Variants in GAS2 observed in about 807,000 individuals in gnomAD.
GAS2 encodes the protein growth arrest specific 2, also known as growth arrest-specific protein 2.
GAS2 carries 20 observed loss-of-function variants against 37.5 expected under a neutral mutation model. That is an observed-to-expected ratio of 0.53 (90% CI 0.37 to 0.77). GAS2 has a LOEUF of 0.77. Among genes scored for constraint, GAS2 ranks in the 30% least tolerant of loss-of-function variants. GAS2 has a pLI of 0.00. For synonymous variants in GAS2, 144 were observed against 132.2 expected (o/e 1.09, Z -0.61); for missense variants, 336 against 373.4 (o/e 0.90, Z 0.82).
At chr11:22,758,666 C>A (rs2134350123) in intron 7 of GAS2, among the ~76,000 whole-genome samples, 1 of 152,244 alleles carries the variant, frequency 6.6e-6, no homozygotes, top group Middle Eastern at 3.4e-3. Flanking sequence ...GTAATCCCAG[C>A]ACTTTGGGAG....
At chr11:22,652,798 C>T (rs1470804481) in intron 1 of GAS2, among the ~76,000 whole-genome samples, 1 of 152,192 alleles carries the variant, frequency 6.6e-6, no homozygotes, top group African/African-American at 2.4e-5. Context: ...GGTGCGCGCA[C>T]CCACTGACCT....
intron 7 of GAS2, among the ~76,000 whole-genome samples, chr11:22,775,349 G>GTA (rs1316367705): frequency 2.0e-5 from 3 of 152,068 alleles, no homozygotes; most frequent in Non-Finnish European, 2.9e-5. Flanking sequence ...GAAATTCCAG[G>GTA]TATATATATT....
At chr11:22,653,149 T>C (rs374316751) in intron 1 of GAS2, among the ~76,000 whole-genome samples, 2 of 151,450 alleles carry the variant, frequency 1.3e-5, no homozygotes, top group South Asian at 2.1e-4. Flanking sequence ...TCCTCTCCTC[T>C]CCTCCTGCTT....
At chr11:22,648,139 T>G (rs917274412) in intron 1 of GAS2, among the ~76,000 whole-genome samples, 55 of 152,352 alleles carry the variant, frequency 3.6e-4, no homozygotes, top group African/African-American at 1.3e-3. Flanking sequence ...GCTTTCTGCA[T>G]ATGGCTAGCC....
chr11:22,681,790 C>G (rs191917691), intron 2 of GAS2, among the ~76,000 whole-genome samples: 2 of 151,998 alleles, frequency 1.3e-5, no homozygotes, highest in African/African-American at 4.8e-5. Flanking sequence ...ACAGCCTGTT[C>G]TTAAGAATTT....
At chr11:22,719,448 G>A (rs1049014815) in intron 3 of GAS2, among the ~76,000 whole-genome samples, 2 of 152,006 alleles carry the variant, frequency 1.3e-5, no homozygotes, top group African/African-American at 4.8e-5. Flanking sequence ...CACCAGAGTG[G>A]TATATTTGTT....
In GAS2 at chr11:22,755,887, C is replaced by T. The variant is rs746471940; in HGVS notation, c.657C>T (p.Asn219=). 4.3e-6 allele frequency: 7 copies of T among 1,613,088 alleles called. No homozygotes were observed. The highest frequency in any genetic ancestry group is 5.9e-6 in the Non-Finnish European group (7 of 1,179,270). ...ISEDPPCKCP[N]KFCVERLSQG... is the part of the protein sequence containing the mutation. ...AAGATCCTCCTTGCAAATGCCCAAA[C>T]AAGTTCTGTGTGGAGCGGCTCTCCC... is the stretch of plus-strand genomic sequence containing the variant. Residue 219 remains asparagine (N), a synonymous_variant, in exon 7 of 8, where the codon AAC becomes AAT. Coordinates refer to ENST00000454584, the MANE Select transcript of GAS2 (RefSeq NM_001143830.3).
chr11:22,662,084 A>G (rs1482760485), upstream of GAS2, among the ~76,000 whole-genome samples: 2 of 152,212 alleles, frequency 1.3e-5, no homozygotes, highest in African/African-American at 2.4e-5. Context: ...GGGTCACAAT[A>G]AAAATTTGAA....
At chr11:22,733,023 T>C (rs2134200998) in intron 4 of GAS2, among the ~76,000 whole-genome samples, 2 of 151,696 alleles carry the variant, frequency 1.3e-5, no homozygotes, top group East Asian at 3.9e-4. Context: ...GCTGGATAGG[T>C]CCCCAAATTT....
intron 1 of GAS2, among the ~76,000 whole-genome samples, chr11:22,657,028 A>C (rs963981147): frequency 6.6e-6 from 1 of 152,204 alleles, no homozygotes; most frequent in Non-Finnish European, 1.5e-5. Flanking sequence ...TAAAAAGAGA[A>C]AGACAGTGAA....
At chr11:22,776,262 G>A (rs887745566) in intron 7 of GAS2, among the ~76,000 whole-genome samples, 1 of 152,150 alleles carries the variant, frequency 6.6e-6, no homozygotes. Flanking sequence ...GCTTTGTGGG[G>A]TGTATGGTTT....
intron 1 of GAS2, among the ~76,000 whole-genome samples, chr11:22,644,688 TCAGCTAA>T (rs5790274): frequency 0.69 from 104,338 of 151,466 alleles, 39,897 homozygotes; most frequent in East Asian, 0.89. Flanking sequence ...TGGCATGATC[TCAGCTAA>T]CTGCAACCCT....
chr11:22,772,421 T>A (rs1338757721), intron 7 of GAS2, among the ~76,000 whole-genome samples: 1 of 152,194 alleles, frequency 6.6e-6, no homozygotes, highest in Non-Finnish European at 1.5e-5. Flanking sequence ...AAAGTATTGT[T>A]TTTTGGTTTT....
intron 7 of GAS2, among the ~76,000 whole-genome samples, chr11:22,810,417 C>G (rs1307310052): frequency 6.6e-6 from 1 of 151,970 alleles, no homozygotes; most frequent in Non-Finnish European, 1.5e-5. Flanking sequence ...GTAATTTTCC[C>G]AAATTTTAAG....
rs75612581 is a variant in GAS2 at position 22,804,189 on chromosome 11, C to T, written c.724-7609C>T. ...GTAGTGAAAACCATGAGGTTACAAA[C>T]AGAGAATGGTTAGAGTCAGAAAAGC... On this transcript the variant is annotated intron_variant, in intron 7 of 7. Coordinates refer to ENST00000454584, the MANE Select transcript of GAS2 (RefSeq NM_001143830.3). Among the ~76,000 whole-genome samples, 810 of 152,100 alleles carry T rather than the reference C, an allele frequency of 5.3e-3. 13 individuals are homozygous for T. The highest frequency in any genetic ancestry group is 0.039 in the East Asian group (200 of 5,168).
At chr11:22,778,927 G>A (rs1387497732) in intron 7 of GAS2, among the ~76,000 whole-genome samples, 1 of 152,090 alleles carries the variant, frequency 6.6e-6, no homozygotes, top group Non-Finnish European at 1.5e-5. Flanking sequence ...AAATGAGAAG[G>A]AATGGAAACA....
At chr11:22,760,898 A>G (rs1375868778) in intron 7 of GAS2, among the ~76,000 whole-genome samples, 1 of 152,182 alleles carries the variant, frequency 6.6e-6, no homozygotes, top group Non-Finnish European at 1.5e-5. Context: ...TGTCAGGTTA[A>G]TTAGCAGACT....
At chr11:22,722,211 C>T (rs1851985081) in intron 3 of GAS2, among the ~76,000 whole-genome samples, 1 of 151,868 alleles carries the variant, frequency 6.6e-6, no homozygotes, top group African/African-American at 2.4e-5. Flanking sequence ...TGCCACCAAT[C>T]TTGGTTGTTT....
At chr11:22,752,378 A>G (rs1462827067) in intron 6 of GAS2, among the ~76,000 whole-genome samples, 13 of 152,014 alleles carry the variant, frequency 8.6e-5, no homozygotes, top group Admixed American at 8.5e-4. Context: ...TATTTCAGGA[A>G]CAGTGGAGCA....
Sources: allele counts gnomAD v4.1 joint callset (sites outside exome capture counted in the v4.1 genomes callset), GRCh38; gene constraint gnomAD v4.1.1; transcripts MANE v1.5; gene names NCBI Gene and HGNC (gene_info 2026-07-23, HGNC 2026-07-21).